Variants in DPYS observed in about 807,000 individuals in gnomAD.
DPYS encodes the protein dihydropyrimidinase.
A neutral mutation model predicts 50.3 loss-of-function variants in DPYS; 39 were observed. That is an observed-to-expected ratio of 0.78 (90% CI 0.60 to 1.01). DPYS has a LOEUF of 1.01. Among genes scored for constraint, DPYS ranks in the 50% least tolerant of loss-of-function variants. The pLI, the probability that DPYS is intolerant of heterozygous loss-of-function variation, is 0.00. For missense variants in DPYS, 659 were observed against 680.9 expected (o/e 0.97, Z 0.36); for synonymous variants, 245 against 250.7 (o/e 0.98, Z 0.22).
rs1205733986 is a variant in DPYS at position 104,379,635 on chromosome 8, A to C, written c.*223T>G. The C allele has an allele frequency of 7.7e-6, 2 of 260,428 alleles. No individual in the cohort carries two copies. Among genetic ancestry groups the C allele is most frequent in the Non-Finnish European group, 1.6e-5 (2 of 126,816 alleles). The allele number at this position is 260,428 out of a possible 1,614,324, so 16.1% of individuals were successfully genotyped here. On this transcript the variant is annotated 3_prime_UTR_variant, in exon 10 of 10. Transcript: ENST00000351513. ...AATTTCCACACAGCCTTTCCATCACAATAATATAAATTTATACCTTCAATC... is the reference window on the plus strand; with the variant it reads ...AATTTCCACACAGCCTTTCCATCACCATAATATAAATTTATACCTTCAATC...
At position 104,384,463 on chromosome 8, in the gene DPYS, C is replaced by T. The variant is rs117902354; in HGVS notation, c.1444-3149G>A. Among the ~76,000 whole-genome samples the T allele has an allele frequency of 1.6e-4, 25 of 152,296 alleles. No individual in the cohort carries two copies. The East Asian group carries it at 3.5e-3, about 21-fold the overall frequency. ...GCACTCCTTCTGCAGAATCTGAAACCATCACTGCTGTTATTCAGAAGTTCA... is the reference window on the plus strand; with the variant it reads ...GCACTCCTTCTGCAGAATCTGAAACTATCACTGCTGTTATTCAGAAGTTCA... On this transcript the variant is annotated intron_variant, in intron 8 of 9. Transcript: ENST00000351513.
chr8:104,454,631 A>G (rs572358244), intron 1 of DPYS, among the ~76,000 whole-genome samples: 1 of 152,346 alleles, frequency 6.6e-6, no homozygotes, highest in East Asian at 1.9e-4. Flanking sequence ...TTATAGGAGA[A>G]GCAGAAATAT....
intron 6 of DPYS, among the ~76,000 whole-genome samples, chr8:104,427,551 T>G (rs928685994): frequency 4.6e-5 from 7 of 151,952 alleles, no homozygotes; most frequent in Non-Finnish European, 1.0e-4. Flanking sequence ...AGTGCTGGGA[T>G]TACAGGTGTG....
intron 7 of DPYS, among the ~76,000 whole-genome samples, chr8:104,398,014 A>G (rs576084004): frequency 6.6e-6 from 1 of 152,384 alleles, no homozygotes; most frequent in Admixed American, 6.5e-5. Context: ...GATGTGGTCC[A>G]TTATTGGAAC....
intron 7 of DPYS, among the ~76,000 whole-genome samples, chr8:104,413,005 C>T (rs539872876): frequency 5.9e-5 from 9 of 152,228 alleles, no homozygotes; most frequent in East Asian, 1.9e-4. Flanking sequence ...TAAATTTATA[C>T]GTTTCTATTG....
chr8:104,424,446 G>A lies in DPYS; in HGVS notation c.1093-57C>T, dbSNP rs1812653245. ...ATCAAATACTAAAAAGTATCCTATCGATAAAATGACAAGACTTGCATCTCT... is the reference window on the plus strand; with the variant it reads ...ATCAAATACTAAAAAGTATCCTATCAATAAAATGACAAGACTTGCATCTCT... On this transcript the variant is annotated intron_variant, in intron 6 of 9. Coordinates refer to ENST00000351513, the MANE Select transcript of DPYS (RefSeq NM_001385.3). 3.2e-6 allele frequency: 5 copies of A among 1,569,028 alleles called. No homozygotes were observed. The Admixed American group carries it at 5.2e-5, about 16-fold the overall frequency.
At chr8:104,403,031 T>A (rs2140549958) in intron 7 of DPYS, among the ~76,000 whole-genome samples, 1 of 152,332 alleles carries the variant, frequency 6.6e-6, no homozygotes, top group South Asian at 2.1e-4. Flanking sequence ...CTACCCTCTT[T>A]GGTTCCCCTC....
At chr8:104,460,994 A>G (rs568687705) in intron 1 of DPYS, among the ~76,000 whole-genome samples, 1 of 152,022 alleles carries the variant, frequency 6.6e-6, no homozygotes, top group Admixed American at 6.6e-5. Flanking sequence ...TTTAAAAGTC[A>G]TTATCCAGGC....
chr8:104,442,457 A>G (rs1813388800), intron 4 of DPYS, among the ~76,000 whole-genome samples: 1 of 152,232 alleles, frequency 6.6e-6, no homozygotes, highest in Non-Finnish European at 1.5e-5. Context: ...ACGACTTAAC[A>G]AAGGAAATAA....
intron 7 of DPYS, among the ~76,000 whole-genome samples, chr8:104,414,668 G>A (rs1413125228): frequency 6.6e-6 from 1 of 152,166 alleles, no homozygotes; most frequent in Non-Finnish European, 1.5e-5. Flanking sequence ...TTTATAGGAA[G>A]ACAAGGTTCT....
chr8:104,444,631 T>A (rs1195945328), intron 3 of DPYS, among the ~76,000 whole-genome samples, 194 bp from the exon 4 acceptor site: 5 of 152,212 alleles, frequency 3.3e-5, no homozygotes, highest in Non-Finnish European at 7.3e-5. Flanking sequence ...ATAACATGTA[T>A]ATTTGGTAAA....
chr8:104,428,544 T>G (rs958791680), intron 5 of DPYS, among the ~76,000 whole-genome samples: 7 of 152,232 alleles, frequency 4.6e-5, no homozygotes, highest in African/African-American at 1.7e-4. Context: ...ACCATGGTGA[T>G]CCTCATGAAT....
intron 7 of DPYS, chr8:104,419,087 C>A: frequency 1.0e-6 from 1 of 985,060 alleles, no homozygotes; most frequent in Non-Finnish European, 1.2e-6. Flanking sequence ...GAAAATAAGA[C>A]CAGCGAGACA....
chr8:104,424,848 T>C (rs1274725042), intron 6 of DPYS, among the ~76,000 whole-genome samples: 2 of 147,948 alleles, frequency 1.4e-5, no homozygotes, highest in African/African-American at 2.5e-5. Flanking sequence ...TTTTTTGAGA[T>C]GGAATTTCAC....
intron 7 of DPYS, among the ~76,000 whole-genome samples, chr8:104,393,387 T>G (rs2140522491): frequency 6.6e-6 from 1 of 152,298 alleles, no homozygotes. Flanking sequence ...TCTATGAAAT[T>G]TTAACTTTTT....
chr8:104,433,811 A>G (rs1056806231), intron 4 of DPYS, among the ~76,000 whole-genome samples: 1 of 152,140 alleles, frequency 6.6e-6, no homozygotes, highest in African/African-American at 2.4e-5. Context: ...TTGGGAAGAG[A>G]GGGGCCACTG....
intron 7 of DPYS, chr8:104,421,279 A>G (rs1812531490): frequency 6.6e-6 from 1 of 152,238 alleles, no homozygotes; most frequent in Non-Finnish European, 1.5e-5. Context: ...TGTGATAAAT[A>G]TATTTGATCA....
At chr8:104,458,969 C>T (rs60012863) in intron 1 of DPYS, among the ~76,000 whole-genome samples, 44,416 of 152,108 alleles carry the variant, frequency 0.29, 6,606 homozygotes, top group Middle Eastern at 0.38. Context: ...TTTTGTTTTA[C>T]TTTCAGGTGA....
At chr8:104,440,758 CA>C (rs553243915) in intron 4 of DPYS, among the ~76,000 whole-genome samples, 13 of 137,850 alleles carry the variant, frequency 9.4e-5, no homozygotes, top group African/African-American at 1.3e-4. Context: ...GAACCTGTCT[CA>C]AAAAAAAAAC....
Sources: allele counts gnomAD v4.1 joint callset (sites outside exome capture counted in the v4.1 genomes callset), GRCh38; gene constraint gnomAD v4.1.1; transcripts MANE v1.5; gene names NCBI Gene and HGNC (gene_info 2026-07-23, HGNC 2026-07-21).